OSBPL2: variants seen among roughly 807,000 people sequenced by gnomAD.
OSBPL2 encodes the protein oxysterol-binding protein-related protein 2.
OSBPL2 carries 18 observed loss-of-function variants against 58.4 expected under a neutral mutation model. The ratio of observed to expected loss-of-function variants is 0.31; its 90% CI spans 0.21 to 0.46. The LOEUF (loss-of-function observed/expected upper bound fraction) is 0.46, where lower values mean the gene tolerates loss of function less well. Among genes scored for constraint, OSBPL2 ranks in the 20% least tolerant of loss-of-function variants. The pLI is 1.00. For missense variants in OSBPL2, 461 were observed against 616.5 expected, an observed-to-expected ratio of 0.75 and a Z score of 2.67; for synonymous variants, 221 against 234.1, an observed-to-expected ratio of 0.94 and a Z score of 0.51.
At chr20:62,281,231 G>A (rs1322104574) in intron 8 of OSBPL2, 66 bp downstream of exon 8, 29 of 1,129,428 alleles carry the variant, frequency 2.6e-5, no homozygotes, top group South Asian at 1.8e-4. Context: ...GCCGGGGAGC[G>A]TGAGCATCCG....
At chr20:62,250,530 G>C (rs1980453469) in intron 1 of OSBPL2, among the ~76,000 whole-genome samples, 1 of 152,202 alleles carries the variant, frequency 6.6e-6, no homozygotes, top group East Asian at 1.9e-4. Flanking sequence ...CTAAGCTTGT[G>C]TCTGGCATCT....
intron 1 of OSBPL2, among the ~76,000 whole-genome samples, chr20:62,244,216 A>G (rs1289024329): frequency 6.6e-6 from 1 of 152,174 alleles, no homozygotes; most frequent in Non-Finnish European, 1.5e-5. Flanking sequence ...TTGCTGTCTT[A>G]ATTTTCCTCC....
chr20:62,267,891 A>ATTTT (rs71692347), intron 4 of OSBPL2, among the ~76,000 whole-genome samples: 5 of 150,426 alleles, frequency 3.3e-5, no homozygotes, highest in African/African-American at 7.4e-5. Context: ...TTTTTTATTT[A>ATTTT]TTTATTTTTT....
chr20:62,245,603 A>C (rs181677306), intron 1 of OSBPL2, among the ~76,000 whole-genome samples: 2 of 152,306 alleles, frequency 1.3e-5, no homozygotes, highest in African/African-American at 4.8e-5. Flanking sequence ...AGTTGGACTT[A>C]ACCTTATTTG....
At chr20:62,290,383 A>G (rs1306200729) in intron 12 of OSBPL2, among the ~76,000 whole-genome samples, 3 of 136,030 alleles carry the variant, frequency 2.2e-5, no homozygotes, top group East Asian at 2.2e-4. Flanking sequence ...CTACAAGTGC[A>G]TGCCACTACA....
rs1555855619 is a variant in OSBPL2, at chr20:62,294,952, C to CCT, written c.*1066_*1067dup. 2 of 117,796 alleles carry CCT rather than the reference C, an allele frequency of 1.7e-5. No individual in the cohort carries two copies. The highest frequency in any genetic ancestry group is 5.5e-4 in the South Asian group (2 of 3,622). The allele number at this position is 117,796 out of a possible 1,614,324, so 7.3% of individuals were successfully genotyped here. On this transcript the variant is annotated 3_prime_UTR_variant, in exon 14 of 14. Transcript: ENST00000313733. The stretch of plus-strand genomic sequence containing the variant: ...TGACTGATTTTTTTTTCTTTTCTTT[C>CCT]CTTTTTTTTTTTTTTTTGAGACGGA...
At chr20:62,266,738 A>G (rs1369087209) in intron 4 of OSBPL2, among the ~76,000 whole-genome samples, 1 of 152,190 alleles carries the variant, frequency 6.6e-6, no homozygotes, top group Non-Finnish European at 1.5e-5. Context: ...TTTCTTATGT[A>G]TATTTAAAGG....
Position 62,282,792 on chromosome 20 carries a change from G to A in OSBPL2, c.872+913G>A, listed in dbSNP as rs905339261. On this transcript the variant is annotated intron_variant, in intron 9 of 13. Transcript: ENST00000313733. Reference sequence around the variant, plus strand: ...CAGTGAGCCAAGATCACGCCAATGCGCTCCAGCCGGGGCAGCCAAGCAAGA... The same window carrying A: ...CAGTGAGCCAAGATCACGCCAATGCACTCCAGCCGGGGCAGCCAAGCAAGA... Among the ~76,000 whole-genome samples, 5 of 152,194 alleles carry A rather than the reference G, an allele frequency of 3.3e-5. No individual in the cohort carries two copies. The South Asian group carries it at 6.2e-4, about 19-fold the overall frequency.
At chr20:62,271,844 C>G in intron 4 of OSBPL2, 1 of 365,350 alleles carries the variant, frequency 2.7e-6, no homozygotes, top group Non-Finnish European at 5.0e-6. Flanking sequence ...GTCTCTGTGT[C>G]TGGAATGGGG....
chr20:62,280,029 G>A (rs907718064), intron 7 of OSBPL2: 8 of 1,304,188 alleles, frequency 6.1e-6, no homozygotes, highest in Non-Finnish European at 8.1e-6. Flanking sequence ...AGACACCTCA[G>A]AGCAAAACAC....
In OSBPL2 at chr20:62,270,140, G is replaced by A. The variant is rs961415841; in HGVS notation, c.259-1985G>A. 5.9e-5 allele frequency among the ~76,000 whole-genome samples: 9 copies of A among 152,196 alleles called. No individual in the cohort carries two copies. The East Asian group carries it at 9.6e-4, about 16-fold the overall frequency. Reference sequence around the variant, plus strand: ...CCCGCCCACCCTCCGTCCACCCTGCGCATGCAGTGCCTGTGGTGTCCTGAG... The same window carrying A: ...CCCGCCCACCCTCCGTCCACCCTGCACATGCAGTGCCTGTGGTGTCCTGAG... On this transcript the variant is annotated intron_variant, in intron 4 of 13. Coordinates refer to ENST00000313733, the MANE Select transcript of OSBPL2 (RefSeq NM_144498.4).
At chr20:62,281,741 C>A in intron 8 of OSBPL2, 49 bp from the exon 9 acceptor site, 1 of 1,418,766 alleles carries the variant, frequency 7.0e-7, no homozygotes, top group South Asian at 1.2e-5. Flanking sequence ...TTACCCTTTC[C>A]GGCTGTTTGC....
chr20:62,264,065 CAAAAAAAAAA>C (rs11476225), intron 4 of OSBPL2, among the ~76,000 whole-genome samples: 3 of 98,006 alleles, frequency 3.1e-5, no homozygotes, highest in African/African-American at 1.1e-4. Context: ...GATTCCATCT[CAAAAAAAAAA>C]AAAAAAGAAA....
At position 62,263,535 on chromosome 20, in the gene OSBPL2, A is replaced by T. The variant is rs536440376; in HGVS notation, c.183-81A>T. ...GTTTAGGAGTAAAAATTAAAGAGAAATCGTCATTGAGCACAGCCTCCTTGA... is the reference window on the plus strand; with the variant it reads ...GTTTAGGAGTAAAAATTAAAGAGAATTCGTCATTGAGCACAGCCTCCTTGA... On this transcript the variant is annotated intron_variant, in intron 3 of 13. Coordinates refer to ENST00000313733, the MANE Select transcript of OSBPL2 (RefSeq NM_144498.4). The T allele has an allele frequency of 6.9e-5, 76 of 1,098,578 alleles. 1 individual carries two copies. The highest frequency in any genetic ancestry group is 5.3e-4 in the Admixed American group (31 of 58,162). The allele number at this position is 1,098,578 out of a possible 1,614,324, so 68.1% of individuals were successfully genotyped here.
At chr20:62,274,086 A>G (rs923508372) in intron 6 of OSBPL2, among the ~76,000 whole-genome samples, 1 of 152,164 alleles carries the variant, frequency 6.6e-6, no homozygotes, top group African/African-American at 2.4e-5. Flanking sequence ...TCCAAGTCCT[A>G]GAACTCTGAC....
chr20:62,256,355 A>T lies in OSBPL2; in HGVS notation c.37+134A>T. On this transcript the variant is annotated intron_variant, in intron 2 of 13. Coordinates refer to ENST00000313733, the MANE Select transcript of OSBPL2 (RefSeq NM_144498.4). ...TGGGTGAGCGTTCACGATCCCAAAC[A>T]CGGACTGTTCAGCAAAACCTGACAT... 7 of 715,910 alleles carry T rather than the reference A, an allele frequency of 9.8e-6. No individual in the cohort carries two copies. The Admixed American group carries it at 1.3e-4, about 13-fold the overall frequency. The allele number at this position is 715,910 out of a possible 1,614,324, so 44.3% of individuals were successfully genotyped here.
chr20:62,266,828 C>T (rs1981699613), intron 4 of OSBPL2, among the ~76,000 whole-genome samples: 3 of 152,152 alleles, frequency 2.0e-5, no homozygotes, highest in Admixed American at 2.0e-4. Context: ...TTAATATCAT[C>T]AGATACTCAA....
At chr20:62,271,621 T>G (rs1332751795) in intron 4 of OSBPL2, 3 of 154,534 alleles carry the variant, frequency 1.9e-5, no homozygotes, top group Non-Finnish European at 4.3e-5. Flanking sequence ...ACAGCTAATT[T>G]TTGAATTTTT....
intron 1 of OSBPL2, among the ~76,000 whole-genome samples, chr20:62,247,205 C>T (rs963791228): frequency 2.0e-5 from 3 of 152,200 alleles, no homozygotes; most frequent in Non-Finnish European, 4.4e-5. Flanking sequence ...TTCGCTTGGC[C>T]CTGGAAGCTG....
Sources: gnomAD v4.1 joint callset for allele counts (sites outside exome capture counted in the v4.1 genomes callset) on GRCh38, gnomAD v4.1.1 for gene constraint, MANE v1.5 for transcripts, NCBI Gene and HGNC (gene_info 2026-07-23, HGNC 2026-07-21) for gene names.